The following ANO2 variants were observed in gnomAD, a reference collection of about 807,000 sequenced individuals.
ANO2 encodes anoctamin 2, also known as anoctamin-2.
ANO2 carries 101 observed loss-of-function variants against 124.2 expected under a neutral mutation model. The observed-to-expected ratio is 0.81, with a 90% CI of 0.69 to 0.96. The LOEUF is 0.96. ANO2 is among the 40% of genes least tolerant of loss of function. The pLI is 0.00. For missense variants in ANO2, 1,293 were observed against 1,274.5 expected, an observed-to-expected ratio of 1.01 and a Z score of -0.22; for synonymous variants, 486 against 482.5, an observed-to-expected ratio of 1.01 and a Z score of -0.09.
intron 1 of ANO2, among the ~76,000 whole-genome samples, chr12:5,939,256 A>G (rs1202735697): frequency 6.6e-6 from 1 of 151,488 alleles, no homozygotes; most frequent in Non-Finnish European, 1.5e-5. Context: ...CCTCAAGAAC[A>G]CTTGATTCAA....
At chr12:5,722,001 A>C (rs771622220) in intron 14 of ANO2, among the ~76,000 whole-genome samples, 1 of 152,248 alleles carries the variant, frequency 6.6e-6, no homozygotes, top group Non-Finnish European at 1.5e-5. Flanking sequence ...AATATGCGTA[A>C]ATTGAAATAA....
intron 10 of ANO2, among the ~76,000 whole-genome samples, chr12:5,778,370 T>C (rs1349360532): frequency 6.6e-6 from 1 of 152,218 alleles, no homozygotes; most frequent in African/African-American, 2.4e-5. Context: ...TCACTGTAAT[T>C]TGGCTCAGTG....
chr12:5,937,005 T>C (rs573233188), intron 1 of ANO2, among the ~76,000 whole-genome samples: 4 of 152,344 alleles, frequency 2.6e-5, no homozygotes, highest in South Asian at 2.1e-4. Context: ...CCACTGTGAA[T>C]AATGTTTCAA....
chr12:5,648,620 T>G (rs891758314), intron 14 of ANO2, among the ~76,000 whole-genome samples: 3 of 152,206 alleles, frequency 2.0e-5, no homozygotes, highest in Non-Finnish European at 4.4e-5. Flanking sequence ...CTCTGCTAAT[T>G]AAACAGCTCT....
intron 1 of ANO2, among the ~76,000 whole-genome samples, chr12:5,928,300 T>A (rs1194980353): frequency 6.6e-6 from 1 of 151,974 alleles, no homozygotes; most frequent in African/African-American, 2.4e-5. Context: ...ATCCCCAACC[T>A]CCCAAAGCCA....
intron 14 of ANO2, among the ~76,000 whole-genome samples, chr12:5,698,261 G>A (rs867455440): frequency 2.6e-5 from 4 of 152,180 alleles, no homozygotes; most frequent in Non-Finnish European, 4.4e-5. Flanking sequence ...CCAGAGGAAC[G>A]ATCAGGCAGC....
In ANO2 at chr12:5,655,582, G is replaced by A. The variant is rs377610157; in HGVS notation, c.1546-7781C>T. On this transcript the variant is annotated intron_variant, in intron 14 of 24. Coordinates refer to ENST00000682330, the MANE Select transcript of ANO2 (RefSeq NM_001364791.2). ...GGGTGTGGCCACCCAGCCTGCAGACGCACCAAAAAATAAGAGCCACCATTT... is the reference window on the plus strand; with the variant it reads ...GGGTGTGGCCACCCAGCCTGCAGACACACCAAAAAATAAGAGCCACCATTT... Among the ~76,000 whole-genome samples the A allele has an allele frequency of 3.3e-5, 5 of 152,242 alleles. No individual in the cohort carries two copies. The South Asian group carries it at 6.2e-4, about 19-fold the overall frequency.
At chr12:5,766,338 G>A (rs556481144) in intron 10 of ANO2, among the ~76,000 whole-genome samples, 3 of 152,264 alleles carry the variant, frequency 2.0e-5, no homozygotes, top group South Asian at 2.1e-4. Context: ...ATGCATTTTG[G>A]TATAGTCACC....
chr12:5,855,491 A>G (rs1413495109), intron 3 of ANO2, among the ~76,000 whole-genome samples: 11 of 152,178 alleles, frequency 7.2e-5, no homozygotes, highest in Admixed American at 6.5e-4. Flanking sequence ...AAGAAAGCTC[A>G]TGACTTACAA....
chr12:5,605,068 T>C (rs913168049), intron 19 of ANO2, among the ~76,000 whole-genome samples: 2 of 152,126 alleles, frequency 1.3e-5, no homozygotes, highest in Admixed American at 1.3e-4. Flanking sequence ...GCAGCAGGAA[T>C]CTGGGCCCTA....
intron 4 of ANO2, among the ~76,000 whole-genome samples, chr12:5,850,369 T>A (rs894928791): frequency 4.2e-5 from 6 of 143,604 alleles, no homozygotes; most frequent in Non-Finnish European, 7.5e-5. Context: ...TGAGCCGAGA[T>A]TGCACCACTG....
chr12:5,680,357 C>A (rs893181634), intron 14 of ANO2, among the ~76,000 whole-genome samples: 8 of 151,870 alleles, frequency 5.3e-5, no homozygotes, highest in Non-Finnish European at 8.8e-5. Flanking sequence ...TATCTGGGAC[C>A]TACAATTAAG....
At chr12:5,946,009 G>C (rs1433566088), upstream of ANO2, 7 of 953,148 alleles carry the variant, frequency 7.3e-6, no homozygotes, top group Non-Finnish European at 1.1e-5. This position sits in a 1 kb window ranked among gnomAD's most constrained non-coding sequence, Gnocchi z 4.1. Flanking sequence ...GGATGGGAGG[G>C]AAGACCTCCA....
intron 14 of ANO2, among the ~76,000 whole-genome samples, chr12:5,668,953 G>A (rs1426868932): frequency 1.3e-5 from 2 of 152,018 alleles, no homozygotes; most frequent in Non-Finnish European, 2.9e-5. Context: ...CTGTAGCCTT[G>A]TAGTACAGTT....
chr12:5,624,915 C>G (rs958536792), intron 16 of ANO2, among the ~76,000 whole-genome samples: 4 of 152,138 alleles, frequency 2.6e-5, no homozygotes, highest in Non-Finnish European at 4.4e-5. Flanking sequence ...GAGGAACCAG[C>G]CCCAGGGGCT....
intron 21 of ANO2, 24 bp from the exon 22 acceptor site, chr12:5,578,031 C>T (rs1383022233): frequency 6.2e-7 from 1 of 1,611,966 alleles, no homozygotes; most frequent in East Asian, 2.2e-5. Context: ...AAGACAGCGT[C>T]TGGCTCACTC....
rs191947402 is a variant in ANO2 at position 5,691,861 on chromosome 12, G to A, written c.1545+40659C>T. On this transcript the variant is annotated intron_variant, in intron 14 of 24. Transcript: ENST00000682330. The stretch of plus-strand genomic sequence containing the variant: ...AGCCTGCGGTGGGCCGAGATCATGT[G>A]CCACTGCACTCCAGCCTGGGTGACA... Among the ~76,000 whole-genome samples the A allele has an allele frequency of 2.8e-3, 420 of 151,940 alleles. 4 individuals are homozygous for A. The highest frequency in any genetic ancestry group is 9.8e-3 in the African/African-American group (405 of 41,432).
intron 10 of ANO2, among the ~76,000 whole-genome samples, chr12:5,755,005 T>C (rs1456447887): frequency 6.6e-6 from 1 of 152,100 alleles, no homozygotes; most frequent in African/African-American, 2.4e-5. Flanking sequence ...AATTAATTAT[T>C]TGAGATCTTT....
At chr12:5,762,595 A>T (rs755931312) in intron 10 of ANO2, among the ~76,000 whole-genome samples, 4 of 151,882 alleles carry the variant, frequency 2.6e-5, no homozygotes, top group Non-Finnish European at 4.4e-5. Context: ...GAGATTACTT[A>T]AAGGTTGTTT....
Sources: allele counts gnomAD v4.1 joint callset (sites outside exome capture counted in the v4.1 genomes callset), GRCh38; gene constraint gnomAD v4.1.1; non-coding constraint Gnocchi (gnomAD v3.1); transcripts MANE v1.5; gene names NCBI Gene and HGNC (gene_info 2026-07-23, HGNC 2026-07-21).